MAST2: variants seen among roughly 807,000 people sequenced by gnomAD.
MAST2 encodes microtubule-associated serine/threonine-protein kinase 2.
A neutral mutation model predicts 147.4 loss-of-function variants in MAST2; 70 were observed. The observed-to-expected ratio is 0.47, with a 90% CI of 0.39 to 0.58. The LOEUF (loss-of-function observed/expected upper bound fraction) is 0.58, where lower values mean the gene tolerates loss of function less well. Among genes scored for constraint, MAST2 ranks in the 20% least tolerant of loss-of-function variants. MAST2 has a pLI of 0.00. For synonymous variants in MAST2, 869 were observed against 896.8 expected (o/e 0.97, Z 0.55); for missense variants, 2,080 against 2,302.3 (o/e 0.90, Z 1.98).
intron 5 of MAST2, among the ~76,000 whole-genome samples, chr1:45,966,695 C>G (rs1199402864): frequency 1.3e-5 from 2 of 152,008 alleles, no homozygotes; most frequent in Non-Finnish European, 2.9e-5. Context: ...GCACTCCAGC[C>G]TGGGCAAAAG....
chr1:46,024,418 G>C (rs1323347728), intron 15 of MAST2: 4 of 213,332 alleles, frequency 1.9e-5, no homozygotes, highest in Middle Eastern at 1.9e-3. Context: ...TCTGAGAATA[G>C]AACAGAAGAG....
chr1:46,035,362 G>A lies in MAST2; in HGVS notation c.4693G>A (p.Gly1565Arg). 6.2e-7 allele frequency: 1 copy of A among 1,613,496 alleles called. No individual in the cohort carries two copies. Among genetic ancestry groups the A allele is most frequent in the South Asian group, 1.1e-5 (1 of 91,012 alleles). ...LGPMVPSLLTGITLGPPRMES... is the reference protein window; with the variant it reads ...LGPMVPSLLTRITLGPPRMES... ...CCCAATGGTCCCAAGCCTATTGACA[G>A]GGATCACACTGGGGCCTCCCAGAAT... Residue 1565 changes from glycine (G) to arginine (R), a missense_variant, in exon 29 of 29, where the codon GGG becomes AGG. By Grantham distance (125) the Gly-to-Arg change is moderately radical. Around this residue, in one of 4 missense-constraint regions of MAST2, gnomAD observed 1,278 missense variants for 1,304.2 expected, o/e 0.98. Transcript: ENST00000361297. This position sits in a 1 kb window ranked among gnomAD's most constrained non-coding sequence, Gnocchi z 5.5.
At chr1:45,972,038 A>T (rs1353475968) in intron 5 of MAST2, among the ~76,000 whole-genome samples, 1 of 152,204 alleles carries the variant, frequency 6.6e-6, no homozygotes, top group Non-Finnish European at 1.5e-5. Flanking sequence ...CTCAAGCCCT[A>T]GTGTCAAGCA....
In MAST2 at chr1:46,035,481, G is replaced by T. The variant is rs1274368894; in HGVS notation, c.4812G>T (p.Gln1604His). 1.2e-6 allele frequency: 2 copies of T among 1,613,316 alleles called. No individual in the cohort carries two copies. Among genetic ancestry groups the T allele is most frequent in the East Asian group, 2.2e-5 (1 of 44,846 alleles). Residue 1604 changes from glutamine (Q) to histidine (H), a missense_variant, in exon 29 of 29, where the codon CAG (glutamine) becomes CAT (histidine). Gln to His is a conservative substitution (Grantham distance 24, BLOSUM62 0). Coordinates refer to ENST00000361297, the MANE Select transcript of MAST2 (RefSeq NM_015112.3). The surrounding 1 kb of genome is among the most constrained non-coding windows in gnomAD (Gnocchi z 5.5). ...SSSSAGPNLG[Q>H]SGATDPIPPE... ...CCTCAGCAGGCCCCAACCTAGGTCA[G>T]TCTGGAGCCACAGACCCCATCCCTC...
intron 4 of MAST2, among the ~76,000 whole-genome samples, chr1:45,934,151 AT>A: frequency 6.6e-6 from 1 of 152,074 alleles, no homozygotes; most frequent in Non-Finnish European, 1.5e-5. Context: ...GCTCCCACTT[AT>A]AGGTGAGAAC....
intron 5 of MAST2, among the ~76,000 whole-genome samples, chr1:45,982,129 G>A (rs1292272282): frequency 6.6e-6 from 1 of 152,132 alleles, no homozygotes; most frequent in Admixed American, 6.6e-5. Flanking sequence ...GATTAGAGGC[G>A]TGAGCCACCG....
intron 22 of MAST2, 94 bp downstream of exon 22, chr1:46,030,855 G>A: frequency 3.4e-6 from 5 of 1,478,914 alleles, no homozygotes; most frequent in Non-Finnish European, 4.5e-6. Flanking sequence ...GAGGAGTGCA[G>A]GTGGCAGGGA....
intron 5 of MAST2, among the ~76,000 whole-genome samples, chr1:45,972,217 G>A (rs1643939544): frequency 1.3e-5 from 2 of 152,234 alleles, no homozygotes. Flanking sequence ...GGTTGGAACA[G>A]CATTTCACTC....
chr1:45,974,658 AGAG>A (rs1201372049), intron 5 of MAST2, among the ~76,000 whole-genome samples: 1 of 152,156 alleles, frequency 6.6e-6, no homozygotes, highest in Admixed American at 6.5e-5. Flanking sequence ...GCCTGAAGAG[AGAG>A]GATAAAGTAT....
chr1:45,954,199 C>T (rs924348411), intron 4 of MAST2, among the ~76,000 whole-genome samples: 1 of 152,184 alleles, frequency 6.6e-6, no homozygotes, highest in African/African-American at 2.4e-5. Flanking sequence ...TGCAACCAGA[C>T]ATCTTATTCC....
At chr1:45,893,199 A>G (rs1158998412) in intron 4 of MAST2, among the ~76,000 whole-genome samples, 2 of 151,844 alleles carry the variant, frequency 1.3e-5, no homozygotes, top group African/African-American at 4.8e-5. Context: ...AGTTTTTATT[A>G]TTTATTTATT....
intron 4 of MAST2, among the ~76,000 whole-genome samples, chr1:45,952,325 C>T (rs1432403331): frequency 6.6e-6 from 1 of 151,974 alleles, no homozygotes; most frequent in Non-Finnish European, 1.5e-5. Context: ...ACGTAGAGTC[C>T]ACAGAGACAG....
intron 4 of MAST2, among the ~76,000 whole-genome samples, chr1:45,911,016 T>TTGTG (rs1210578948): frequency 6.6e-6 from 1 of 152,170 alleles, no homozygotes; most frequent in Non-Finnish European, 1.5e-5. Flanking sequence ...TTAATTTGTT[T>TTGTG]TGTGTGTGTG....
chr1:45,949,763 G>A (rs995886170), intron 4 of MAST2, among the ~76,000 whole-genome samples: 13 of 152,124 alleles, frequency 8.5e-5, no homozygotes, highest in African/African-American at 2.9e-4. Context: ...AAAGACACAT[G>A]CACACGAATG....
At chr1:45,972,816 C>G (rs1326736836) in intron 5 of MAST2, among the ~76,000 whole-genome samples, 1 of 152,196 alleles carries the variant, frequency 6.6e-6, no homozygotes, top group Non-Finnish European at 1.5e-5. Flanking sequence ...GTCTCGTAAT[C>G]TGTTCTCTAA....
At chr1:45,993,784 A>G (rs994728824) in intron 5 of MAST2, among the ~76,000 whole-genome samples, 2 of 152,118 alleles carry the variant, frequency 1.3e-5, no homozygotes, top group African/African-American at 4.8e-5. Flanking sequence ...AACTGCCCTC[A>G]CTTTATACAC....
At chr1:45,959,925 A>ACT (rs1660170447) in intron 5 of MAST2, among the ~76,000 whole-genome samples, 1 of 152,036 alleles carries the variant, frequency 6.6e-6, no homozygotes, top group African/African-American at 2.4e-5. Context: ...AAGCAAGAGG[A>ACT]GTATGTGTTT....
chr1:45,960,788 G>A lies in MAST2; in HGVS notation c.592+1311G>A, dbSNP rs145616557. On this transcript the variant is annotated intron_variant, in intron 5 of 28. Coordinates refer to ENST00000361297, the MANE Select transcript of MAST2 (RefSeq NM_015112.3). ...TAGAACTGTTCAGAGCTTGCTGCCTGGGCATAGAAAGCCATGGTCACTGTT... is the reference window on the plus strand; with the variant it reads ...TAGAACTGTTCAGAGCTTGCTGCCTAGGCATAGAAAGCCATGGTCACTGTT... Among the ~76,000 whole-genome samples the A allele has an allele frequency of 3.7e-3, 560 of 152,324 alleles. 5 individuals are homozygous for A. The highest frequency in any genetic ancestry group is 0.012 in the African/African-American group (498 of 41,580).
chr1:45,958,509 CCTCCCTCCCTCTCTCT>C (rs535821885), intron 4 of MAST2, among the ~76,000 whole-genome samples: 101 of 150,926 alleles, frequency 6.7e-4, no homozygotes, highest in Admixed American at 1.2e-3. Flanking sequence ...TCTCCCTCTC[CCTCCCTCCCTCTCTCT>C]CTCTCTCCCT....
Sources: gnomAD v4.1 joint callset for allele counts (sites outside exome capture counted in the v4.1 genomes callset) on GRCh38, gnomAD v4.1.1 for gene constraint, gnomAD v4.1.1 regional missense constraint, Gnocchi (gnomAD v3.1) non-coding constraint, MANE v1.5 for transcripts, NCBI Gene and HGNC (gene_info 2026-07-23, HGNC 2026-07-21) for gene names.